STRBP: variants seen among roughly 807,000 people sequenced by gnomAD.
STRBP encodes spermatid perinuclear RNA binding protein, also known as spermatid perinuclear RNA-binding protein.
STRBP carries 13 observed loss-of-function variants against 80.1 expected under a neutral mutation model. That is an observed-to-expected ratio of 0.16 (90% CI 0.11 to 0.26). STRBP has a LOEUF of 0.26. Among genes scored for constraint, STRBP ranks in the 10% least tolerant of loss-of-function variants. STRBP has a pLI of 1.00. For synonymous variants in STRBP, 284 were observed against 291.2 expected (o/e 0.98, Z 0.25); for missense variants, 485 against 815.2 (o/e 0.59, Z 4.93).
chr9:123,162,785 A>G (rs1363022036), intron 6 of STRBP, among the ~76,000 whole-genome samples: 1 of 152,226 alleles, frequency 6.6e-6, no homozygotes, highest in African/African-American at 2.4e-5. Flanking sequence ...TATTACTCTG[A>G]TTTATAAATA....
At chr9:123,111,596 TGACA>T (rs1397392879) in intron 3 of STRBP, 5 of 479,546 alleles carry the variant, frequency 1.0e-5, no homozygotes, top group Admixed American at 9.3e-5. Context: ...CTCCACTGCC[TGACA>T]GACAAGAGCC....
intron 2 of STRBP, among the ~76,000 whole-genome samples, chr9:123,197,067 G>C (rs1486469678): frequency 6.6e-6 from 1 of 152,172 alleles, no homozygotes; most frequent in African/African-American, 2.4e-5. Flanking sequence ...AAAAAAGAAT[G>C]AGATCTTGTT....
intron 5 of STRBP, among the ~76,000 whole-genome samples, chr9:123,170,718 C>T (rs1237495263): frequency 6.6e-6 from 1 of 152,050 alleles, no homozygotes; most frequent in Non-Finnish European, 1.5e-5. Context: ...TATAAACAAA[C>T]GTACAATTTA....
chr9:123,124,092 C>A lies in STRBP; in HGVS notation c.*1505G>T. ...AGAAGTGACACTAACATTTGTTGTACATTGCCCATTTCACCTTTATTTAGT... is the reference window on the plus strand; with the variant it reads ...AGAAGTGACACTAACATTTGTTGTAAATTGCCCATTTCACCTTTATTTAGT... On this transcript the variant is annotated 3_prime_UTR_variant, in exon 19 of 19. Transcript: ENST00000348403. 1 of 985,436 alleles carries A rather than the reference C, an allele frequency of 1.0e-6. No individual in the cohort carries two copies. The highest frequency in any genetic ancestry group is 4.7e-5 in the South Asian group (1 of 21,288). The allele number at this position is 985,436 out of a possible 1,614,324, so 61.0% of individuals were successfully genotyped here.
In STRBP at chr9:123,126,915, G is replaced by C. The variant is rs1399297005; in HGVS notation, c.1943-1242C>G. ...GCCAAACCCAAACCCAAAGGAACTA[G>C]AGAGTTTGAATTTAGAAGGAAACCT... On this transcript the variant is annotated intron_variant, in intron 18 of 18. Coordinates refer to ENST00000348403, the MANE Select transcript of STRBP (RefSeq NM_018387.5). The surrounding 1 kb of genome is among the most constrained non-coding windows in gnomAD (Gnocchi z 4.4). 1.3e-5 allele frequency among the ~76,000 whole-genome samples: 2 copies of C among 152,194 alleles called. No homozygotes were observed. Among genetic ancestry groups the C allele is most frequent in the Non-Finnish European group, 2.9e-5 (2 of 68,046 alleles).
At chr9:123,139,423 A>C in intron 14 of STRBP, 106 bp downstream of exon 14, 1 of 887,702 alleles carries the variant, frequency 1.1e-6, no homozygotes, top group Non-Finnish European at 1.6e-6. Context: ...TAATTTATGT[A>C]CAGGTTTGCA....
rs574013852 is a variant in STRBP, at chr9:123,153,136, G to T, written c.1045+4876C>A. On this transcript the variant is annotated intron_variant, in intron 11 of 18. Coordinates refer to ENST00000348403, the MANE Select transcript of STRBP (RefSeq NM_018387.5). ...GGTGACTGCAATAATCCAGGTGAGA[G>T]ATGATGGCAGCTTAGATAAGGATGT... is the stretch of plus-strand genomic sequence containing the variant. 3.9e-5 allele frequency among the ~76,000 whole-genome samples: 6 copies of T among 152,044 alleles called. No homozygotes were observed. In the South Asian group the frequency reaches 1.2e-3, roughly 32 times the overall value.
chr9:123,235,639 T>A (rs990461547), intron 2 of STRBP, among the ~76,000 whole-genome samples: 2 of 148,190 alleles, frequency 1.3e-5, no homozygotes, highest in African/African-American at 5.0e-5. Context: ...AGCTATTGGT[T>A]GGTCATTAAC....
intron 2 of STRBP, among the ~76,000 whole-genome samples, chr9:123,201,119 C>T (rs2039310838): frequency 6.6e-6 from 1 of 152,046 alleles, no homozygotes; most frequent in Non-Finnish European, 1.5e-5. Flanking sequence ...TTTGGGCCTT[C>T]TCTCTTCTTG....
intron 2 of STRBP, among the ~76,000 whole-genome samples, chr9:123,185,556 G>A (rs892815464): frequency 2.0e-5 from 3 of 152,142 alleles, no homozygotes; most frequent in African/African-American, 7.2e-5. Flanking sequence ...TGATCCCACA[G>A]TAAGAGATAT....
At chr9:123,210,134 T>A (rs1436240591) in intron 2 of STRBP, among the ~76,000 whole-genome samples, 1 of 152,234 alleles carries the variant, frequency 6.6e-6, no homozygotes, top group Non-Finnish European at 1.5e-5. Flanking sequence ...ACTATCTTCT[T>A]CATCTATTCT....
At chr9:123,131,546 T>C (rs948160033) in intron 17 of STRBP, among the ~76,000 whole-genome samples, 3 of 152,228 alleles carry the variant, frequency 2.0e-5, no homozygotes, top group African/African-American at 4.8e-5. Context: ...AGTTAACTCC[T>C]ATTCATTCTT....
At chr9:123,172,426 T>C (rs1192129014) in intron 5 of STRBP, among the ~76,000 whole-genome samples, 1 of 152,214 alleles carries the variant, frequency 6.6e-6, no homozygotes, top group Non-Finnish European at 1.5e-5. Context: ...TAAAGCTTTA[T>C]TGCATGTTTA....
In STRBP at chr9:123,128,226, C is replaced by A; in HGVS notation, c.1930G>T (p.Ala644Ser). 6.2e-7 allele frequency: 1 copy of A among 1,614,152 alleles called. No homozygotes were observed. Among genetic ancestry groups the A allele is most frequent in the Non-Finnish European group, 8.5e-7 (1 of 1,180,020 alleles). ...YGTPYGYSTAAPAYGLPKRMV... is the reference protein window; with the variant it reads ...YGTPYGYSTASPAYGLPKRMV... ...ATGGTGTACGTACCATAGGCAGGGG[C>A]AGCTGTGCTGTAACCATATGGTGTT... The change falls in exon 18 of 19, where the codon GCC (alanine) becomes TCC (serine). Residue 644 changes from alanine to serine, a missense_variant. Physicochemically the swap from Ala to Ser is moderately conservative, Grantham distance 99 (BLOSUM62 1). Around this residue, in one of 3 missense-constraint regions of STRBP, gnomAD observed 85 missense variants for 120.1 expected, o/e 0.71. Coordinates refer to ENST00000348403, the MANE Select transcript of STRBP (RefSeq NM_018387.5).
At chr9:123,111,614 C>A in intron 3 of STRBP, 1 of 477,838 alleles carries the variant, frequency 2.1e-6, no homozygotes, top group East Asian at 6.3e-5. Flanking sequence ...AAGAGCCTTC[C>A]TATGAAGCTG....
chr9:123,210,545 C>A (rs2039671313), intron 2 of STRBP, among the ~76,000 whole-genome samples: 1 of 152,000 alleles, frequency 6.6e-6, no homozygotes, highest in African/African-American at 2.4e-5. Flanking sequence ...AAAAAATGAT[C>A]AAGCAGGCCG....
intron 1 of STRBP, among the ~76,000 whole-genome samples, chr9:123,257,551 A>C (rs1201914448): frequency 6.6e-6 from 1 of 152,234 alleles, no homozygotes; most frequent in East Asian, 1.9e-4. Flanking sequence ...ACACTGGCTC[A>C]TGCCTGTAAT....
rs867112010 is a variant in STRBP, at chr9:123,235,008, G to A, written c.-165+1822C>T. On this transcript the variant is annotated intron_variant, in intron 2 of 18. Transcript: ENST00000348403. The stretch of plus-strand genomic sequence containing the variant: ...CTGGCTTTTTTTTTGGGGGGGGGGG[G>A]TACTGGGTATTCAGGTTATAAATAC... Among the ~76,000 whole-genome samples, 34 of 124,504 alleles carry A rather than the reference G, an allele frequency of 2.7e-4. No homozygotes were observed. In the East Asian group the frequency reaches 7.5e-3, roughly 28 times the overall value. The allele number at this position is 124,504 out of a possible 152,430, so 81.7% of individuals were successfully genotyped here.
chr9:123,208,116 GTT>G (rs958615583), intron 2 of STRBP, among the ~76,000 whole-genome samples: 7 of 138,580 alleles, frequency 5.1e-5, no homozygotes, highest in Admixed American at 1.4e-4. Flanking sequence ...AAGACTGTAA[GTT>G]TTTTTTTTTT....
Sources: allele counts gnomAD v4.1 joint callset (sites outside exome capture counted in the v4.1 genomes callset), GRCh38; gene constraint gnomAD v4.1.1; regional missense constraint gnomAD v4.1.1; non-coding constraint Gnocchi (gnomAD v3.1); transcripts MANE v1.5; gene names NCBI Gene and HGNC (gene_info 2026-07-23, HGNC 2026-07-21).